FAM114A2: variants seen among roughly 807,000 people sequenced by gnomAD.
The protein encoded by FAM114A2 is family with sequence similarity 114 member A2.
A neutral mutation model predicts 58.4 loss-of-function variants in FAM114A2; 53 were observed. The observed-to-expected ratio is 0.91, with a 90% CI of 0.73 to 1.14. The LOEUF is 1.14. Among genes scored for constraint, FAM114A2 ranks in the 50% most tolerant of loss-of-function variants. The probability of loss-of-function intolerance (pLI) is 0.00; values close to 1 mark genes in which losing one functional copy is unlikely to be tolerated. For synonymous variants in FAM114A2, 228 were observed against 211.4 expected, an observed-to-expected ratio of 1.08 and a Z score of -0.68; for missense variants, 601 against 581.1, an observed-to-expected ratio of 1.03 and a Z score of -0.35.
At chr5:154,002,720 T>C (rs1222136767) in intron 10 of FAM114A2, 127 bp downstream of exon 10, 23 of 954,358 alleles carry the variant, frequency 2.4e-5, no homozygotes, top group Middle Eastern at 2.9e-4. Context: ...GGATCTAAGA[T>C]GCTACAATCC....
intron 9 of FAM114A2, 73 bp from the exon 10 acceptor site, chr5:154,003,042 A>G (rs75780714): frequency 0.061 from 84,689 of 1,378,498 alleles, 3,263 homozygotes; most frequent in Non-Finnish European, 0.074. Context: ...TACCAGGAAC[A>G]CAATAGCATC....
intron 12 of FAM114A2, 164 bp from the exon 13 acceptor site, chr5:153,995,136 A>T: frequency 1.7e-6 from 1 of 573,132 alleles, no homozygotes; most frequent in Non-Finnish European, 3.1e-6. Flanking sequence ...TGGAAATTCT[A>T]AGTGTTTTAA....
intron 8 of FAM114A2, among the ~76,000 whole-genome samples, chr5:154,022,090 T>C (rs913471734): frequency 2.2e-4 from 33 of 152,116 alleles, no homozygotes; most frequent in Non-Finnish European, 4.6e-4. Context: ...TGGCTAGCCA[T>C]ATGGAGAAAG....
chr5:154,028,066 C>T (rs1771915537), intron 6 of FAM114A2, 83 bp downstream of exon 6: 2 of 1,221,594 alleles, frequency 1.6e-6, no homozygotes, highest in Non-Finnish European at 2.3e-6. Flanking sequence ...GAAAAGAAAA[C>T]ACTAACAAGG....
At chr5:154,021,544 A>G (rs1339409989) in intron 8 of FAM114A2, among the ~76,000 whole-genome samples, 1 of 152,252 alleles carries the variant, frequency 6.6e-6, no homozygotes, top group Non-Finnish European at 1.5e-5. Flanking sequence ...ACTCCCATTC[A>G]CAATTGCTTC....
chr5:154,031,399 C>T (rs1447952255), intron 4 of FAM114A2, among the ~76,000 whole-genome samples: 2 of 151,084 alleles, frequency 1.3e-5, no homozygotes, highest in African/African-American at 2.4e-5. Flanking sequence ...GAAGATAGCC[C>T]CCTTTAAAGG....
At chr5:154,028,088 CAA>C in intron 6 of FAM114A2, 59 bp downstream of exon 6, 3 of 1,422,312 alleles carry the variant, frequency 2.1e-6, no homozygotes, top group Admixed American at 4.4e-5. Context: ...TCCAAGTAAA[CAA>C]AGGCAAAAAT....
intron 8 of FAM114A2, among the ~76,000 whole-genome samples, 191 bp from the exon 9 acceptor site, chr5:154,011,511 C>T (rs1007608827): frequency 1.3e-4 from 20 of 152,254 alleles, no homozygotes; most frequent in South Asian, 4.1e-4. Context: ...TCAATAAATG[C>T]TTCAATGGGC....
At chr5:154,012,873 C>T (rs1770791535) in intron 8 of FAM114A2, among the ~76,000 whole-genome samples, 1 of 151,948 alleles carries the variant, frequency 6.6e-6, no homozygotes, top group Admixed American at 6.6e-5. Context: ...CAAAATAATT[C>T]AATGGAGGGC....
chr5:154,009,678 C>A (rs189720547), intron 9 of FAM114A2, among the ~76,000 whole-genome samples: 3 of 152,274 alleles, frequency 2.0e-5, no homozygotes, highest in Admixed American at 1.3e-4. Context: ...AGATGTGATA[C>A]CCTGGGCAGG....
intron 11 of FAM114A2, among the ~76,000 whole-genome samples, chr5:154,001,129 AACTT>A (rs1769942012): frequency 6.6e-6 from 1 of 152,238 alleles, no homozygotes; most frequent in Admixed American, 6.5e-5. Flanking sequence ...CATGGATTTC[AACTT>A]ACTTGCTAAA....
chr5:154,026,114 C>A (rs1256526569), intron 8 of FAM114A2, among the ~76,000 whole-genome samples: 2 of 152,180 alleles, frequency 1.3e-5, no homozygotes, highest in East Asian at 3.9e-4. Flanking sequence ...TTTCTAACTG[C>A]AAAAATAGGC....
At position 154,038,037 on chromosome 5, in the gene FAM114A2, TA is replaced by T. The variant is rs796107501; in HGVS notation, c.-15+819del. On this transcript the variant is annotated intron_variant, in intron 1 of 13. Transcript: ENST00000351797. Reference sequence around the variant, plus strand: ...CTCATTCATAATCTAGGAGAAAGGTTAAAAAAAAAAAAGGAATAAACACCAA... The same window carrying T: ...CTCATTCATAATCTAGGAGAAAGGTTAAAAAAAAAAAGGAATAAACACCAA... Among the ~76,000 whole-genome samples the T allele has an allele frequency of 4.2e-3, 605 of 142,584 alleles. 1 individual carries two copies. Among genetic ancestry groups the T allele is most frequent in the African/African-American group, 4.1e-3 (162 of 39,168 alleles). The allele number at this position is 142,584 out of a possible 152,430, so 93.5% of individuals were successfully genotyped here. A position where few individuals can be genotyped will look rare whatever the true frequency, so the allele number is the denominator to read the frequency against.
chr5:154,015,928 AC>A (rs1396877047), intron 8 of FAM114A2, among the ~76,000 whole-genome samples: 20 of 152,244 alleles, frequency 1.3e-4, no homozygotes, highest in South Asian at 1.0e-3. Context: ...AAATAAAAAA[AC>A]AATCCAAACT....
At chr5:154,032,051 C>T (rs1309771400) in intron 4 of FAM114A2, among the ~76,000 whole-genome samples, 1 of 152,230 alleles carries the variant, frequency 6.6e-6, no homozygotes, top group Non-Finnish European at 1.5e-5. Flanking sequence ...TTGACTCTAC[C>T]TCTGCTCTTT....
intron 8 of FAM114A2, among the ~76,000 whole-genome samples, chr5:154,015,883 G>A (rs898316661): frequency 1.3e-5 from 2 of 151,886 alleles, no homozygotes; most frequent in African/African-American, 4.8e-5. Flanking sequence ...GATATGAGAA[G>A]TGACAGGAAA....
intron 12 of FAM114A2, 103 bp downstream of exon 12, chr5:153,997,700 A>G (rs1454176858): frequency 2.2e-5 from 16 of 724,676 alleles, no homozygotes; most frequent in Non-Finnish European, 2.4e-6. Context: ...ACTAAAAACT[A>G]AAAACTATTG....
In FAM114A2 at chr5:153,991,789, C is replaced by T. The variant is rs1356021996; in HGVS notation, c.*1187G>A. 7.1e-6 allele frequency: 1 copy of T among 141,826 alleles called. No homozygotes were observed. Among genetic ancestry groups the T allele is most frequent in the African/African-American group, 2.6e-5 (1 of 37,982 alleles). 8.8% of individuals were successfully genotyped at this position (141,826 alleles called of 1,614,324 possible). ...ATAACATGATTAATACATTTTATTA[C>T]AAAGGTTTTAGAAGATGAGGGGCAG... On this transcript the variant is annotated 3_prime_UTR_variant, in exon 14 of 14. Coordinates refer to ENST00000351797, the MANE Select transcript of FAM114A2 (RefSeq NM_018691.4).
At chr5:154,035,648 T>C (rs1375747819) in intron 1 of FAM114A2, among the ~76,000 whole-genome samples, 1 of 152,198 alleles carries the variant, frequency 6.6e-6, no homozygotes, top group Non-Finnish European at 1.5e-5. Context: ...GCTATGAAAG[T>C]TCATGTATAG....
Sources: allele counts gnomAD v4.1 joint callset (sites outside exome capture counted in the v4.1 genomes callset), GRCh38; gene constraint gnomAD v4.1.1; transcripts MANE v1.5; gene names NCBI Gene and HGNC (gene_info 2026-07-23, HGNC 2026-07-21).